UEVLD: variants seen among roughly 807,000 people sequenced by gnomAD.
UEVLD encodes the protein ubiquitin-conjugating enzyme E2 variant 3.
Under a neutral mutation model 58.6 loss-of-function variants are expected in UEVLD, and 47 were observed. That is an observed-to-expected ratio of 0.80 (90% confidence interval 0.63 to 1.02). The LOEUF (loss-of-function observed/expected upper bound fraction) is 1.02, where lower values mean the gene tolerates loss of function less well. Ranked by LOEUF, UEVLD falls within the 50% of genes least tolerant of loss-of-function variation. The probability of loss-of-function intolerance (pLI) is 0.00; values close to 1 mark genes in which losing one functional copy is unlikely to be tolerated. For synonymous variants in UEVLD, 197 were observed against 195.3 expected, an observed-to-expected ratio of 1.01 and a Z score of -0.07; for missense variants, 510 against 550.6, an observed-to-expected ratio of 0.93 and a Z score of 0.74.
chr11:18,568,217 C>G (rs918381375), intron 4 of UEVLD, among the ~76,000 whole-genome samples: 1 of 152,070 alleles, frequency 6.6e-6, no homozygotes, highest in South Asian at 2.1e-4. Context: ...ACTGTCTAAA[C>G]TAAAATTAAA....
rs767812026 is a variant in UEVLD, at chr11:18,570,277, T to C, written c.294A>G (p.Leu98=). 1.2e-6 allele frequency: 2 copies of C among 1,603,388 alleles called. No individual in the cohort carries two copies. The highest frequency in any genetic ancestry group is 1.1e-5 in the South Asian group (1 of 88,648). The change falls in exon 4 of 12, where the codon TTA becomes TTG. Residue 98 remains leucine, a synonymous_variant. Transcript: ENST00000396197. ...FLKPTANMGI[L]VGKHVDAQGR... The stretch of plus-strand genomic sequence containing the variant: ...CTTGAGCATCCACATGTTTTCCGAC[T>C]AAGATTCCCATATTTGCAGTTGGCT...
intron 9 of UEVLD, chr11:18,536,690 C>T (rs891611413): frequency 2.9e-5 from 14 of 479,400 alleles, no homozygotes; most frequent in Non-Finnish European, 4.9e-5. Context: ...TCCCCAAAGT[C>T]TGCTTGCAGT....
rs574604409 is a variant in UEVLD, at chr11:18,570,101, A to C, written c.357+113T>G. The C allele has an allele frequency of 3.6e-4, 413 of 1,153,166 alleles. 10 individuals are homozygous for C. The South Asian group carries it at 6.5e-3, about 18-fold the overall frequency. The allele number at this position is 1,153,166 out of a possible 1,614,324, so 71.4% of individuals were successfully genotyped here. On this transcript the variant is annotated intron_variant, in intron 4 of 11. Transcript: ENST00000396197. ...TCAAATTACTTCCAAAGACTACATG[A>C]AGAATATCATTGAAAGAAAATGCAG...
At chr11:18,557,856 T>C (rs556636547) in intron 7 of UEVLD, among the ~76,000 whole-genome samples, 56 of 152,352 alleles carry the variant, frequency 3.7e-4, no homozygotes, top group African/African-American at 1.3e-3. Context: ...AGCACTATTA[T>C]GGCAGAGCAG....
chr11:18,533,067 T>C (rs937538829), intron 11 of UEVLD, among the ~76,000 whole-genome samples: 1 of 150,288 alleles, frequency 6.7e-6, no homozygotes, highest in East Asian at 2.0e-4. Flanking sequence ...CTTTTCTTTT[T>C]TTTTTTTTTG....
chr11:18,543,670 T>C (rs1351032755), intron 9 of UEVLD, among the ~76,000 whole-genome samples: 1 of 152,230 alleles, frequency 6.6e-6, no homozygotes, highest in African/African-American at 2.4e-5. Context: ...TTTACTCATA[T>C]ACTTAAATGA....
intron 11 of UEVLD, among the ~76,000 whole-genome samples, 175 bp downstream of exon 11, chr11:18,534,155 C>CTTCT (rs1850691941): frequency 6.6e-6 from 1 of 152,188 alleles, no homozygotes; most frequent in East Asian, 1.9e-4. Context: ...AGCTGGCAGA[C>CTTCT]TTCTCATAGC....
chr11:18,554,392 A>AT (rs34857682), intron 7 of UEVLD, among the ~76,000 whole-genome samples: 65,301 of 107,516 alleles, frequency 0.61, 20,826 homozygotes, highest in Non-Finnish European at 0.66. Flanking sequence ...GTGCCTGGCC[A>AT]TTTTTTTTTT....
chr11:18,543,814 T>C (rs75921343), intron 9 of UEVLD, among the ~76,000 whole-genome samples: 88 of 152,234 alleles, frequency 5.8e-4, no homozygotes, highest in Non-Finnish European at 1.0e-3. Context: ...GAAAAGGAGC[T>C]TTCCAATACA....
intron 9 of UEVLD, 115 bp downstream of exon 9, chr11:18,544,508 A>G: frequency 2.7e-6 from 3 of 1,098,992 alleles, no homozygotes; most frequent in South Asian, 1.5e-5. Context: ...GGGTCTTGCT[A>G]TGTTGCCCAG....
At position 18,532,230 on chromosome 11, in the gene UEVLD, G is replaced by T; in HGVS notation, c.*90C>A. ...AGCAGTTTGTAAAAGTAAGTAGCAGGATACAGAAATCCTCAAACCTATATA... is the reference window on the plus strand; with the variant it reads ...AGCAGTTTGTAAAAGTAAGTAGCAGTATACAGAAATCCTCAAACCTATATA... On this transcript the variant is annotated 3_prime_UTR_variant, in exon 12 of 12. Coordinates refer to ENST00000396197, the MANE Select transcript of UEVLD (RefSeq NM_001040697.4). 1 of 1,237,342 alleles carries T rather than the reference G, an allele frequency of 8.1e-7. No homozygotes were observed. The highest frequency in any genetic ancestry group is 1.1e-6 in the Non-Finnish European group (1 of 920,344). The allele number at this position is 1,237,342 out of a possible 1,614,324, so 76.6% of individuals were successfully genotyped here. A position where few individuals can be genotyped will look rare whatever the true frequency, so the allele number is the denominator to read the frequency against.
At chr11:18,557,538 A>AT (rs1281521586) in intron 7 of UEVLD, among the ~76,000 whole-genome samples, 2 of 148,868 alleles carry the variant, frequency 1.3e-5, no homozygotes, top group African/African-American at 5.0e-5. Context: ...TGTAAACTGA[A>AT]TTTTTTTTCT....
Position 18,566,664 on chromosome 11 carries a change from A to C in UEVLD, c.358-182T>G, listed in dbSNP as rs111295430. On this transcript the variant is annotated intron_variant, in intron 4 of 11. Transcript: ENST00000396197. ...CATCTCCAAACAAAACAAACAAAAA[A>C]TCTTTTTTAACCTATACATTCTTTT... Among the ~76,000 whole-genome samples the C allele has an allele frequency of 7.4e-3, 1,123 of 152,192 alleles. 15 individuals are homozygous for C. Among genetic ancestry groups the C allele is most frequent in the African/African-American group, 0.026 (1,072 of 41,570 alleles).
rs1851655453 is a variant in UEVLD at position 18,554,243 on chromosome 11, CA to C, written c.715+3984del. On this transcript the variant is annotated intron_variant, in intron 7 of 11. Coordinates refer to ENST00000396197, the MANE Select transcript of UEVLD (RefSeq NM_001040697.4). ...AGTAGCTGGGATTATAGGCATGCAC[CA>C]CCACATCTGGCTAATTTTTGTATTT... Among the ~76,000 whole-genome samples the C allele has an allele frequency of 2.0e-5, 3 of 151,976 alleles. No homozygotes were observed. The South Asian group carries it at 6.2e-4, about 32-fold the overall frequency.
intron 9 of UEVLD, among the ~76,000 whole-genome samples, chr11:18,537,295 A>C (rs192169746): frequency 6.7e-6 from 1 of 148,460 alleles, no homozygotes; most frequent in African/African-American, 2.5e-5. Flanking sequence ...CTGCATACAC[A>C]GACTGGAAAT....
At chr11:18,558,908 CTT>C (rs749568118) in intron 6 of UEVLD, among the ~76,000 whole-genome samples, 16 of 152,000 alleles carry the variant, frequency 1.1e-4, no homozygotes, top group Non-Finnish European at 2.2e-4. Context: ...GCATTTCACT[CTT>C]GTCGCCCAGG....
Position 18,531,308 on chromosome 11 carries a change from C to T in UEVLD, c.*1012G>A, listed in dbSNP as rs1466663353. 2.6e-5 allele frequency: 4 copies of T among 152,174 alleles called. No individual in the cohort carries two copies. Among genetic ancestry groups the T allele is most frequent in the African/African-American group, 7.2e-5 (3 of 41,440 alleles). The allele number at this position is 152,174 out of a possible 1,614,324, so 9.4% of individuals were successfully genotyped here. On this transcript the variant is annotated 3_prime_UTR_variant, in exon 12 of 12. Coordinates refer to ENST00000396197, the MANE Select transcript of UEVLD (RefSeq NM_001040697.4). ...TTCAGTAAAATAATAAAGTGCTTAT[C>T]ATGCTGCCTGGTATATATGAAGTGT... is the stretch of plus-strand genomic sequence containing the variant.
intron 11 of UEVLD, among the ~76,000 whole-genome samples, chr11:18,532,946 T>C (rs1408846149): frequency 6.6e-6 from 1 of 152,230 alleles, no homozygotes; most frequent in Non-Finnish European, 1.5e-5. Flanking sequence ...GCATATAACA[T>C]GTAATGATCA....
At chr11:18,571,295 C>T (rs553669538) in intron 3 of UEVLD, among the ~76,000 whole-genome samples, 5 of 152,158 alleles carry the variant, frequency 3.3e-5, no homozygotes, top group South Asian at 2.1e-4. Context: ...TGCAGTGAGC[C>T]GAGATTGCGC....
Sources: gnomAD v4.1 joint callset for allele counts (sites outside exome capture counted in the v4.1 genomes callset) on GRCh38, gnomAD v4.1.1 for gene constraint, MANE v1.5 for transcripts, NCBI Gene and HGNC (gene_info 2026-07-23, HGNC 2026-07-21) for gene names.